CDC25B: variants seen among roughly 807,000 people sequenced by gnomAD.
CDC25B encodes cell division cycle 25B.
CDC25B carries 33 observed loss-of-function variants against 69.8 expected under a neutral mutation model. That is an observed-to-expected ratio of 0.47 (90% CI 0.36 to 0.63). CDC25B has a LOEUF of 0.63. Ranked by LOEUF, CDC25B falls within the 30% of genes least tolerant of loss-of-function variation. The pLI, the probability that CDC25B is intolerant of heterozygous loss-of-function variation, is 0.00. For missense variants in CDC25B, 727 were observed against 809.1 expected (o/e 0.90, Z 1.23); for synonymous variants, 341 against 314.6 (o/e 1.08, Z -0.89).
Position 3,804,942 on chromosome 20 carries a change from G to A in CDC25B, c.1724G>A (p.Ser575Asn), listed in dbSNP as rs2089426754. ...AGERSRRELC[S>N]RLQDQ ...GAGCGGAGCCGGCGGGAGCTCTGTA[G>A]CCGGCTGCAGGACCAGTGAGGGGCC... Residue 575 changes from serine (S) to asparagine (N), a missense_variant, in exon 16 of 16, where the codon AGC becomes AAC. Ser to Asn is a conservative substitution (Grantham distance 46, BLOSUM62 1). This residue lies in a region of CDC25B where 359 missense variants were observed against 463.4 expected (regional missense o/e 0.77). Transcript: ENST00000245960. 6.2e-7 allele frequency: 1 copy of A among 1,612,986 alleles called. No homozygotes were observed. Among genetic ancestry groups the A allele is most frequent in the South Asian group, 1.1e-5 (1 of 91,084 alleles).
upstream of CDC25B, among the ~76,000 whole-genome samples, chr20:3,793,383 GGAGGCA>G (rs1400064543): frequency 6.6e-6 from 1 of 152,052 alleles, no homozygotes; most frequent in Non-Finnish European, 1.5e-5. Flanking sequence ...CTTGAACCCA[GGAGGCA>G]GAGGTTGCAG....
At chr20:3,792,501 C>T (rs1408094271), upstream of CDC25B, among the ~76,000 whole-genome samples, 1 of 150,934 alleles carries the variant, frequency 6.6e-6, no homozygotes, top group African/African-American at 2.4e-5. Context: ...GAGTCTTGCT[C>T]TTTTCGCCCA....
At chr20:3,794,729 G>C (rs958979104), upstream of CDC25B, among the ~76,000 whole-genome samples, 1 of 152,124 alleles carries the variant, frequency 6.6e-6, no homozygotes, top group African/African-American at 2.4e-5. Context: ...GAAAGGTCAC[G>C]TTCCCACCTT....
rs1568503855 is a variant in CDC25B, at chr20:3,797,614, C to T, written c.201-8C>T. 1 of 1,614,030 alleles carries T rather than the reference C, an allele frequency of 6.2e-7. No individual in the cohort carries two copies. Among genetic ancestry groups the T allele is most frequent in the Non-Finnish European group, 8.5e-7 (1 of 1,179,986 alleles). ...TTCTCCTTTCCCGGGTCCCTGTTCC[C>T]TTCCCAGCGAAACCCCAAAGAGTCA... is the stretch of plus-strand genomic sequence containing the variant. On this transcript the variant is annotated splice_region_variant and splice_polypyrimidine_tract_variant and intron_variant, in intron 1 of 15. Transcript: ENST00000245960.
At chr20:3,796,113 A>G (rs1239826230), upstream of CDC25B, 15 of 1,017,136 alleles carry the variant, frequency 1.5e-5, no homozygotes, top group African/African-American at 3.5e-5. Context: ...CGCCAGGGGG[A>G]TGTGCGAGGG....
At position 3,796,669 on chromosome 20, in the gene CDC25B, G is replaced by T; in HGVS notation, c.138G>T (p.Ala46=). The T allele has an allele frequency of 6.6e-7, 1 of 1,513,360 alleles. No individual in the cohort carries two copies. The highest frequency in any genetic ancestry group is 8.8e-7 in the Non-Finnish European group (1 of 1,140,866). The allele number at this position is 1,513,360 out of a possible 1,614,324, so 93.7% of individuals were successfully genotyped here. ...SHGLLGSPVR[A]AASSPVTTLT... ...GCCTCCTGGGGTCCCCGGTGCGGGC[G>T]GCCGCTTCCTCGCCGGTCACCACCC... Residue 46 remains alanine (A), a synonymous_variant, in exon 1 of 16, where the codon GCG becomes GCT. Coordinates refer to ENST00000245960, the MANE Select transcript of CDC25B (RefSeq NM_021873.4).
chr20:3,800,218 G>T (rs80262984), intron 3 of CDC25B, 70 bp from the exon 4 acceptor site: 36 of 762,650 alleles, frequency 4.7e-5, no homozygotes, highest in Non-Finnish European at 6.6e-5. Context: ...CCTGGACTGG[G>T]GGCCTGGTGC....
At chr20:3,795,393 T>TG (rs1275255255), upstream of CDC25B, among the ~76,000 whole-genome samples, 1 of 151,506 alleles carries the variant, frequency 6.6e-6, no homozygotes, top group Non-Finnish European at 1.5e-5. Flanking sequence ...GAAAGATAAT[T>TG]GGAAGCTGCT....
At chr20:3,799,519 T>TGCGCGCGCGC (rs1438909914) in intron 3 of CDC25B, among the ~76,000 whole-genome samples, 1 of 49,814 alleles carries the variant, frequency 2.0e-5, no homozygotes, top group African/African-American at 9.4e-5. Context: ...TGTGTGTGTG[T>TGCGCGCGCGC]GTGTGTGCGC....
chr20:3,798,336 T>A, intron 2 of CDC25B, 76 bp from the exon 3 acceptor site: 2 of 642,684 alleles, frequency 3.1e-6, no homozygotes, highest in African/African-American at 2.1e-5. Flanking sequence ...TTTTTTTTTT[T>A]TCATATTGGG....
chr20:3,800,437 C>T, intron 4 of CDC25B, 25 bp from the exon 5 acceptor site: 2 of 1,614,146 alleles, frequency 1.2e-6, no homozygotes, highest in Non-Finnish European at 1.7e-6. Flanking sequence ...TCCCAGCTCT[C>T]ACCTGTCCCC....
rs747626055 is a variant in CDC25B at position 3,796,606 on chromosome 20, TCCGGGCCACCTC to T, written c.83_94del (p.His28_Gly31del). On this transcript the variant is annotated inframe_deletion, in exon 1 of 16. Transcript: ENST00000245960. ...CAGGCGTGTGCGGTGGCGCCCAGCG[TCCGGGCCACCTC>T]CCGGGCCTCCTGCTGGGATCTCATG... The T allele has an allele frequency of 8.3e-6, 12 of 1,441,298 alleles. No individual in the cohort carries two copies. In the South Asian group the frequency reaches 1.3e-4, roughly 15 times the overall value. The allele number at this position is 1,441,298 out of a possible 1,614,324, so 89.3% of individuals were successfully genotyped here. A position where few individuals can be genotyped will look rare whatever the true frequency, so the allele number is the denominator to read the frequency against.
intron 1 of CDC25B, among the ~76,000 whole-genome samples, chr20:3,787,418 G>A (rs1302536368): frequency 6.6e-6 from 1 of 152,112 alleles, no homozygotes. Flanking sequence ...CAGCATTACA[G>A]TTGTAAATCT....
chr20:3,790,003 T>C (rs1048078911), intron 1 of CDC25B, among the ~76,000 whole-genome samples: 2 of 149,844 alleles, frequency 1.3e-5, no homozygotes, highest in Non-Finnish European at 3.0e-5. Context: ...AAAAAAAAAA[T>C]TAGCTAGGCA....
At chr20:3,800,696 G>A in intron 5 of CDC25B, 47 bp from the exon 6 acceptor site, 1 of 1,601,892 alleles carries the variant, frequency 6.2e-7, no homozygotes, top group African/African-American at 1.3e-5. Context: ...CGTGCCGGAG[G>A]AATGCAGCCT....
At chr20:3,804,539 T>C (rs1484748806) in intron 14 of CDC25B, 30 bp from the exon 15 acceptor site, 1 of 1,472,990 alleles carries the variant, frequency 6.8e-7, no homozygotes. Flanking sequence ...CATGCCCCAC[T>C]CTGACCACAC....
intron 3 of CDC25B, 24 bp from the exon 4 acceptor site, chr20:3,800,264 G>T (rs555819265): frequency 2.2e-5 from 35 of 1,613,296 alleles, no homozygotes; most frequent in Non-Finnish European, 2.8e-5. Context: ...AGCATGGGTT[G>T]CATGGGACCC....
At chr20:3,794,810 T>G (rs1436792868), upstream of CDC25B, among the ~76,000 whole-genome samples, 1 of 152,052 alleles carries the variant, frequency 6.6e-6, no homozygotes, top group Non-Finnish European at 1.5e-5. Context: ...CAGCCCCCCA[T>G]CACCAGGCCC....
At chr20:3,792,057 G>T (rs1208253801), upstream of CDC25B, among the ~76,000 whole-genome samples, 1 of 152,036 alleles carries the variant, frequency 6.6e-6, no homozygotes, top group African/African-American at 2.4e-5. Context: ...GGGATTACAG[G>T]CACATGCCAC....
Sources: allele counts gnomAD v4.1 joint callset (sites outside exome capture counted in the v4.1 genomes callset), GRCh38; gene constraint gnomAD v4.1.1; regional missense constraint gnomAD v4.1.1; transcripts MANE v1.5; gene names NCBI Gene and HGNC (gene_info 2026-07-23, HGNC 2026-07-21).